The following EXT2 variants were observed in gnomAD, a reference collection of about 807,000 sequenced individuals.
EXT2 encodes exostosin glycosyltransferase 2.
EXT2 carries 53 observed loss-of-function variants against 81.6 expected under a neutral mutation model. The observed-to-expected ratio is 0.65, with a 90% confidence interval of 0.52 to 0.82. EXT2 has a LOEUF of 0.82. EXT2 is among the 40% of genes least tolerant of loss of function. The pLI, the probability that EXT2 is intolerant of heterozygous loss-of-function variation, is 0.00. For missense variants in EXT2, 774 were observed against 910.2 expected, an observed-to-expected ratio of 0.85 and a Z score of 1.93; for synonymous variants, 320 against 340.0, an observed-to-expected ratio of 0.94 and a Z score of 0.65.
At position 44,127,542 on chromosome 11, in the gene EXT2, A is replaced by C. The variant is rs578239208; in HGVS notation, c.1079+587A>C. On this transcript the variant is annotated intron_variant, in intron 6 of 13. Transcript: ENST00000533608. ...CTGAGGTGGAACAGTTTCATCCCCA[A>C]ACGATTCCCTGCCAAACCCAGTCTG... is the stretch of plus-strand genomic sequence containing the variant. 2.6e-5 allele frequency among the ~76,000 whole-genome samples: 4 copies of C among 152,300 alleles called. No individual in the cohort carries two copies. In the East Asian group the frequency reaches 7.7e-4, roughly 29 times the overall value.
chr11:44,105,329 A>G (rs902311849), intron 1 of EXT2, among the ~76,000 whole-genome samples: 3 of 152,076 alleles, frequency 2.0e-5, no homozygotes, highest in Non-Finnish European at 1.5e-5. Flanking sequence ...GTCGTGCTCT[A>G]TTGCCCAGGC....
intron 7 of EXT2, among the ~76,000 whole-genome samples, chr11:44,133,626 GCTTCACACTGACATCTTC>G (rs1395566229): frequency 1.3e-5 from 2 of 152,180 alleles, no homozygotes; most frequent in African/African-American, 2.4e-5. Flanking sequence ...CCACTCTGGT[GCTTCACACTGACATCTTC>G]CTGATAGCTG....
At chr11:44,228,408 G>A (rs1590663406) in intron 10 of EXT2, among the ~76,000 whole-genome samples, 1 of 152,172 alleles carries the variant, frequency 6.6e-6, no homozygotes, top group Admixed American at 6.5e-5. Context: ...GTAGGGGTGG[G>A]TAGCCATGAA....
At chr11:44,149,339 G>T (rs906372396) in intron 7 of EXT2, among the ~76,000 whole-genome samples, 1 of 152,210 alleles carries the variant, frequency 6.6e-6, no homozygotes, top group Non-Finnish European at 1.5e-5. Flanking sequence ...TTCAGGCAGG[G>T]TGACAGAGCA....
At chr11:44,157,647 G>A (rs1240734810) in intron 7 of EXT2, among the ~76,000 whole-genome samples, 1 of 152,172 alleles carries the variant, frequency 6.6e-6, no homozygotes, top group Non-Finnish European at 1.5e-5. Flanking sequence ...CTGGCCCAGG[G>A]TGAGTCTAGA....
intron 4 of EXT2, among the ~76,000 whole-genome samples, chr11:44,118,965 A>G (rs750084213): frequency 4.0e-5 from 6 of 150,744 alleles, no homozygotes; most frequent in Non-Finnish European, 8.9e-5. Flanking sequence ...TTTTCCTCCT[A>G]AAGTTGTTCT....
At chr11:44,216,707 C>T (rs1955724307) in intron 10 of EXT2, among the ~76,000 whole-genome samples, 1 of 151,870 alleles carries the variant, frequency 6.6e-6, no homozygotes, top group African/African-American at 2.4e-5. Context: ...CAACTGGCTC[C>T]AGGTCTTGCT....
intron 8 of EXT2, 134 bp from the exon 9 acceptor site, chr11:44,197,695 G>A: frequency 1.2e-6 from 1 of 848,046 alleles, no homozygotes; most frequent in Non-Finnish European, 1.9e-6. Flanking sequence ...GGAAGACTTT[G>A]AGCAGTTGCT....
At position 44,234,239 on chromosome 11, in the gene EXT2, T is replaced by C. The variant is rs368444550; in HGVS notation, c.1931T>C (p.Ile644Thr). The C allele has an allele frequency of 7.4e-6, 12 of 1,613,872 alleles. No homozygotes were observed. Among genetic ancestry groups the C allele is most frequent in the African/African-American group, 1.3e-5 (1 of 74,924 alleles). Residue 644 changes from isoleucine to threonine, a missense_variant, in exon 12 of 14, where the codon ATC becomes ACC. Transcript: ENST00000533608. ...GCCAACGTCACGGGAAAAGCAGTTA[T>C]CAAGGTAGGAGGCTCTGCCACTCAC... The part of the protein sequence containing the change: ...LVANVTGKAV[I>T]KVTPRKKFKC...
At chr11:44,132,539 C>T (rs1954508173) in intron 7 of EXT2, among the ~76,000 whole-genome samples, 1 of 152,110 alleles carries the variant, frequency 6.6e-6, no homozygotes, top group Non-Finnish European at 1.5e-5. Context: ...AAGGGGTTGG[C>T]TAAATAATCT....
intron 13 of EXT2, among the ~76,000 whole-genome samples, chr11:44,240,123 G>C (rs1468286457): frequency 1.3e-5 from 2 of 152,150 alleles, no homozygotes; most frequent in African/African-American, 4.8e-5. Context: ...TTTGATCCAA[G>C]GTTGGTTGAA....
rs772845769 is a variant in EXT2, at chr11:44,244,207, G to GC, written c.2077_2078insC (p.Glu693AlafsTer5). On this transcript the variant is annotated frameshift_variant, in exon 14 of 14. Coordinates refer to ENST00000533608, the MANE Select transcript of EXT2 (RefSeq NM_207122.2). LOFTEE classifies it high-confidence loss of function. ...CGGGACCATGCCTCTCAAGGTGGTGGAACACCGAGCTGACCCTGTCCTGTA... is the reference window on the plus strand; with the variant it reads ...CGGGACCATGCCTCTCAAGGTGGTGGCAACACCGAGCTGACCCTGTCCTGTA... 3.7e-6 allele frequency: 6 copies of GC among 1,613,852 alleles called. No individual in the cohort carries two copies. The highest frequency in any genetic ancestry group is 3.3e-5 in the South Asian group (3 of 91,082).
intron 5 of EXT2, among the ~76,000 whole-genome samples, chr11:44,125,906 G>A (rs1166252133): frequency 2.0e-5 from 3 of 152,186 alleles, no homozygotes. Context: ...GCACCTCCGG[G>A]TACCACGATG....
chr11:44,120,571 G>A (rs1298773939), intron 4 of EXT2, among the ~76,000 whole-genome samples: 1 of 152,254 alleles, frequency 6.6e-6, no homozygotes, highest in African/African-American at 2.4e-5. Flanking sequence ...TCCTGCCAGG[G>A]ACGTGGGAGA....
intron 10 of EXT2, among the ~76,000 whole-genome samples, chr11:44,221,199 A>G (rs1207117660): frequency 1.3e-5 from 2 of 151,934 alleles, no homozygotes; most frequent in African/African-American, 2.4e-5. Flanking sequence ...AGCCCATTCC[A>G]TTGGTTTTAG....
intron 7 of EXT2, among the ~76,000 whole-genome samples, chr11:44,153,315 T>C (rs1954816776): frequency 6.6e-6 from 1 of 152,224 alleles, no homozygotes; most frequent in South Asian, 2.1e-4. Context: ...ATTCCACTTA[T>C]TCATTGCTAG....
chr11:44,239,170 G>A (rs1956005013), intron 13 of EXT2, among the ~76,000 whole-genome samples: 1 of 152,108 alleles, frequency 6.6e-6, no homozygotes, highest in South Asian at 2.1e-4. Context: ...GATGTGGGGA[G>A]GCTATGAAGA....
Position 44,239,393 on chromosome 11 carries a change from C to CTTTT in EXT2, c.2018+3033_2018+3036dup, listed in dbSNP as rs1174306938. ...TTGGGGGTCTTTCCCTCTGTATATA[C>CTTTT]TTTTTTTTTTTTTTTTTTGAGACAT... is the stretch of plus-strand genomic sequence containing the variant. On this transcript the variant is annotated intron_variant, in intron 13 of 13. Transcript: ENST00000533608. 2.7e-4 allele frequency among the ~76,000 whole-genome samples: 34 copies of CTTTT among 125,456 alleles called. 1 individual carries two copies. The highest frequency in any genetic ancestry group is 8.5e-4 in the African/African-American group (28 of 32,906). The allele number at this position is 125,456 out of a possible 152,430, so 82.3% of individuals were successfully genotyped here.
chr11:44,103,166 TC>T (rs1954009796), intron 1 of EXT2, among the ~76,000 whole-genome samples: 1 of 152,206 alleles, frequency 6.6e-6, no homozygotes, highest in South Asian at 2.1e-4. Context: ...AATAGATTTT[TC>T]TCCCCTTTGG....
Sources: gnomAD v4.1 joint callset for allele counts (sites outside exome capture counted in the v4.1 genomes callset) on GRCh38, gnomAD v4.1.1 for gene constraint, MANE v1.5 for transcripts, NCBI Gene and HGNC (gene_info 2026-07-23, HGNC 2026-07-21) for gene names.